PLA2R1: variants seen among roughly 807,000 people sequenced by gnomAD.
PLA2R1 encodes the protein secretory phospholipase A2 receptor.
A neutral mutation model predicts 195.9 loss-of-function variants in PLA2R1; 158 were observed. The ratio of observed to expected loss-of-function variants is 0.81; its 90% CI spans 0.71 to 0.92. The LOEUF (loss-of-function observed/expected upper bound fraction) is 0.92. Ranked by LOEUF, PLA2R1 falls within the 40% of genes least tolerant of loss-of-function variation. The pLI is 0.00. For synonymous variants in PLA2R1, 586 were observed against 598.2 expected, an observed-to-expected ratio of 0.98 and a Z score of 0.30; for missense variants, 1,626 against 1,764.6, an observed-to-expected ratio of 0.92 and a Z score of 1.41.
At chr2:159,945,132 C>T in intron 27 of PLA2R1, 50 bp from the exon 28 acceptor site, 2 of 1,173,178 alleles carry the variant, frequency 1.7e-6, no homozygotes, top group East Asian at 2.9e-5. Flanking sequence ...GGTTATCAAA[C>T]ATACTAAGAC....
rs1687428853 is a variant in PLA2R1, at chr2:159,946,974, A to G, written c.3851-57T>C. On this transcript the variant is annotated intron_variant, in intron 26 of 29. Coordinates refer to ENST00000283243, the MANE Select transcript of PLA2R1 (RefSeq NM_007366.5). Reference sequence around the variant, plus strand: ...TGTGTTTACACATAAATATACTTTAAAAAATGTTTCCTATACTATTAATTG... The same window carrying G: ...TGTGTTTACACATAAATATACTTTAGAAAATGTTTCCTATACTATTAATTG... The G allele has an allele frequency of 2.7e-6, 3 of 1,106,342 alleles. No homozygotes were observed. In the South Asian group the frequency reaches 4.2e-5, roughly 15 times the overall value. 68.5% of individuals were successfully genotyped at this position (1,106,342 alleles called of 1,614,324 possible). A position where few individuals can be genotyped will look rare whatever the true frequency, so the allele number is the denominator to read the frequency against.
chr2:160,052,127 A>C (rs747525698), intron 1 of PLA2R1, among the ~76,000 whole-genome samples: 1 of 152,154 alleles, frequency 6.6e-6, no homozygotes, highest in African/African-American at 2.4e-5. Flanking sequence ...ATCTTTTTAC[A>C]TGTTCTCTTC....
chr2:159,945,355 C>A (rs531110261), intron 27 of PLA2R1, among the ~76,000 whole-genome samples: 7 of 151,874 alleles, frequency 4.6e-5, no homozygotes, highest in African/African-American at 7.3e-5. Flanking sequence ...CTCCTCCCCC[C>A]ACCCCACAAC....
intron 1 of PLA2R1, 131 bp from the exon 2 acceptor site, chr2:160,045,288 TG>T: frequency 2.9e-6 from 2 of 690,580 alleles, no homozygotes; most frequent in South Asian, 3.8e-5. Context: ...CTGGAGTTGT[TG>T]GGCAGGGTCC....
rs1687874379 is a variant in PLA2R1, at chr2:159,953,270, C to G, written c.3302-1692G>C. ...GATCTATTGGAAACCAAGTTCTAAA[C>G]TGGGGAGTCTTGCTTTGCCCTTGTG... On this transcript the variant is annotated intron_variant, in intron 23 of 29. Coordinates refer to ENST00000283243, the MANE Select transcript of PLA2R1 (RefSeq NM_007366.5). Among the ~76,000 whole-genome samples the G allele has an allele frequency of 2.6e-5, 4 of 152,206 alleles. No homozygotes were observed. In the South Asian group the frequency reaches 8.3e-4, roughly 31 times the overall value.
At chr2:159,993,841 C>T (rs1389669620) in intron 11 of PLA2R1, among the ~76,000 whole-genome samples, 1 of 152,028 alleles carries the variant, frequency 6.6e-6, no homozygotes, top group East Asian at 1.9e-4. Context: ...AAGAAAAACA[C>T]CACTAATGGG....
At chr2:160,033,192 T>C in intron 3 of PLA2R1, 60 bp from the exon 4 acceptor site, 1 of 1,311,296 alleles carries the variant, frequency 7.6e-7, no homozygotes, top group Non-Finnish European at 1.1e-6. Context: ...GCAACATATT[T>C]CTAAGGTAAG....
intron 6 of PLA2R1, among the ~76,000 whole-genome samples, chr2:160,025,528 A>ATAACT (rs1380229311): frequency 1.3e-5 from 2 of 149,066 alleles, no homozygotes; most frequent in Non-Finnish European, 3.0e-5. Context: ...TTAAGCAGTT[A>ATAACT]TCAGTATAAA....
In PLA2R1 at chr2:159,938,648, C is replaced by A. The variant is rs1237195119; in HGVS notation, c.*3130G>T. On this transcript the variant is annotated 3_prime_UTR_variant, in exon 30 of 30. Coordinates refer to ENST00000283243, the MANE Select transcript of PLA2R1 (RefSeq NM_007366.5). Reference sequence around the variant, plus strand: ...CTGCAGACTTCACAGCAGATGCCAGCAGAATTCCCAGGAGTGAGGCCAGAC... The same window carrying A: ...CTGCAGACTTCACAGCAGATGCCAGAAGAATTCCCAGGAGTGAGGCCAGAC... 1 of 152,378 alleles carries A rather than the reference C, an allele frequency of 6.6e-6. No individual in the cohort carries two copies. Among genetic ancestry groups the A allele is most frequent in the Non-Finnish European group, 1.5e-5 (1 of 68,186 alleles). 9.4% of individuals were successfully genotyped at this position (152,378 alleles called of 1,614,324 possible). A position where few individuals can be genotyped will look rare whatever the true frequency, so the allele number is the denominator to read the frequency against.
At chr2:159,966,920 G>A (rs1278044449) in intron 20 of PLA2R1, among the ~76,000 whole-genome samples, 2 of 152,018 alleles carry the variant, frequency 1.3e-5, no homozygotes, top group African/African-American at 4.8e-5. Flanking sequence ...TAATAAATCT[G>A]GTTTAAAATA....
rs775720108 is a variant in PLA2R1, at chr2:160,022,852, A to G, written c.1107T>C (p.Asp369=). Residue 369 remains aspartate (D), a synonymous_variant, in exon 7 of 30, where the codon GAT becomes GAC. Coordinates refer to ENST00000283243, the MANE Select transcript of PLA2R1 (RefSeq NM_007366.5). ...AGTGGGTAGCATAATATTTCCACGC[A>G]TCTTTTTCTTTTTAAACCAACAAAA... ...NHIDHEIVEK[D]AWKYYATHCE... 1.9e-6 allele frequency: 3 copies of G among 1,584,138 alleles called. No homozygotes were observed. In the Admixed American group the frequency reaches 5.6e-5, roughly 29 times the overall value.
rs773662757 is a variant in PLA2R1, at chr2:160,016,676, GTCTT to G, written c.1485_1488del (p.Glu495AspfsTer55). 32 of 1,607,574 alleles carry G rather than the reference GTCTT, an allele frequency of 2.0e-5. No individual in the cohort carries two copies. In the African/African-American group the frequency reaches 3.7e-4, roughly 19 times the overall value. The stretch of plus-strand genomic sequence containing the variant: ...CCTGCTTTTTTACAAATGTAAAAAA[GTCTT>G]TCTTCACAATTTTTGACTTTCCAGT... On this transcript the variant is annotated frameshift_variant, in exon 9 of 30. Coordinates refer to ENST00000283243, the MANE Select transcript of PLA2R1 (RefSeq NM_007366.5). LOFTEE classifies it high-confidence loss of function.
In PLA2R1 at chr2:160,024,270, G is replaced by A. The variant is rs115373536; in HGVS notation, c.1100-1411C>T. On this transcript the variant is annotated intron_variant, in intron 6 of 29. Coordinates refer to ENST00000283243, the MANE Select transcript of PLA2R1 (RefSeq NM_007366.5). ...GTAACCACTGCACCACTTCTACCTC[G>A]TGGCCCACCATCCCCATGCCAAGCT... 3.5e-3 allele frequency among the ~76,000 whole-genome samples: 537 copies of A among 152,168 alleles called. 2 individuals carry two copies. Among genetic ancestry groups the A allele is most frequent in the African/African-American group, 0.012 (483 of 41,500 alleles).
At chr2:160,005,467 C>CAAACAAACAAACAAAT (rs1259549432) in intron 11 of PLA2R1, among the ~76,000 whole-genome samples, 185 bp downstream of exon 11, 1 of 151,410 alleles carries the variant, frequency 6.6e-6, no homozygotes, top group Non-Finnish European at 1.5e-5. Flanking sequence ...AACAAACAAA[C>CAAACAAACAAACAAAT]AAATAAAATA....
intron 20 of PLA2R1, among the ~76,000 whole-genome samples, chr2:159,959,063 T>G (rs1411167248): frequency 6.6e-6 from 1 of 152,250 alleles, no homozygotes; most frequent in Non-Finnish European, 1.5e-5. Flanking sequence ...TTGTCTTGTT[T>G]GCTTCACAAA....
chr2:160,019,146 T>C (rs916958999), intron 8 of PLA2R1, among the ~76,000 whole-genome samples: 1 of 152,218 alleles, frequency 6.6e-6, no homozygotes, highest in African/African-American at 2.4e-5. Context: ...GGGATGAATG[T>C]GATGTTCAGG....
downstream of PLA2R1, among the ~76,000 whole-genome samples, chr2:159,929,870 G>GTATATA (rs141890108): frequency 3.5e-4 from 50 of 143,118 alleles, no homozygotes; most frequent in African/African-American, 5.1e-4. Flanking sequence ...GTGTGTGTGT[G>GTATATA]TGTATATATA....
chr2:160,048,756 T>A (rs2105644646), intron 1 of PLA2R1, among the ~76,000 whole-genome samples: 1 of 152,236 alleles, frequency 6.6e-6, no homozygotes, highest in South Asian at 2.1e-4. Flanking sequence ...TTACTAAATC[T>A]CTTTGCAGGA....
At chr2:159,983,553 A>G (rs1690117490) in intron 13 of PLA2R1, among the ~76,000 whole-genome samples, 1 of 151,922 alleles carries the variant, frequency 6.6e-6, no homozygotes, top group Non-Finnish European at 1.5e-5. Context: ...GAGGCGTGGA[A>G]GGAACTAGGA....
Sources: gnomAD v4.1 joint callset for allele counts (sites outside exome capture counted in the v4.1 genomes callset) on GRCh38, gnomAD v4.1.1 for gene constraint, MANE v1.5 for transcripts, NCBI Gene and HGNC (gene_info 2026-07-23, HGNC 2026-07-21) for gene names.